Variants in RAC1 observed in about 807,000 individuals in gnomAD.
RAC1 encodes the protein ras-related C3 botulinum toxin substrate 1.
RAC1 carries 2 observed loss-of-function variants against 25.2 expected under a neutral mutation model. That is an observed-to-expected ratio of 0.08 (90% CI 0.03 to 0.25). The LOEUF (loss-of-function observed/expected upper bound fraction) is 0.25, where lower values mean the gene tolerates loss of function less well. Ranked by LOEUF, RAC1 falls within the 10% of genes least tolerant of loss-of-function variation. The pLI, the probability that RAC1 is intolerant of heterozygous loss-of-function variation, is 1.00. For missense variants in RAC1, 50 were observed against 235.7 expected (o/e 0.21, Z 5.16); for synonymous variants, 88 against 94.0 (o/e 0.94, Z 0.37).
chr7:6,391,835 C>G, intron 2 of RAC1, 89 bp from the exon 3 acceptor site: 7 of 1,595,260 alleles, frequency 4.4e-6, no homozygotes, highest in Non-Finnish European at 6.0e-6. Flanking sequence ...CCGTCCCCAG[C>G]CTTTTTCTTG....
At chr7:6,375,964 G>A (rs1782580616) in intron 1 of RAC1, 1 of 152,070 alleles carries the variant, frequency 6.6e-6, no homozygotes, top group Admixed American at 6.6e-5. Context: ...CAAACTCAAT[G>A]CAACTGGTAC....
At position 6,390,096 on chromosome 7, in the gene RAC1, C is replaced by CCTTTTTTTTTTT. The variant is rs1554263519; in HGVS notation, c.108-1828_108-1827insCTTTTTTTTTTT. ...CCTCCCTTGCTCCCTCCCTCCCTCC[C>CCTTTTTTTTTTT]TTTTTTTTTTTTTTTTTTTTTGAGA... is the stretch of plus-strand genomic sequence containing the variant. On this transcript the variant is annotated intron_variant, in intron 2 of 5. Coordinates refer to ENST00000348035, the MANE Select transcript of RAC1 (RefSeq NM_006908.5). 2.0e-4 allele frequency among the ~76,000 whole-genome samples: 15 copies of CCTTTTTTTTTTT among 74,914 alleles called. No individual in the cohort carries two copies. In the East Asian group the frequency reaches 8.5e-3, roughly 42 times the overall value. 49.1% of individuals were successfully genotyped at this position (74,914 alleles called of 152,430 possible). A position where few individuals can be genotyped will look rare whatever the true frequency, so the allele number is the denominator to read the frequency against.
chr7:6,390,019 C>T (rs1175308865), intron 2 of RAC1, among the ~76,000 whole-genome samples: 6 of 115,248 alleles, frequency 5.2e-5, no homozygotes, highest in Admixed American at 9.1e-5. Flanking sequence ...TCCTTCCCTC[C>T]TCTCCTACTC....
chr7:6,390,070 C>T (rs1189648299), intron 2 of RAC1, among the ~76,000 whole-genome samples: 5 of 138,608 alleles, frequency 3.6e-5, no homozygotes, highest in South Asian at 4.9e-4. Flanking sequence ...CTTTTCCCCT[C>T]CCTCCCTTGC....
At chr7:6,387,444 TA>T (rs1782955120) in intron 2 of RAC1, among the ~76,000 whole-genome samples, 161 bp downstream of exon 2, 1 of 152,126 alleles carries the variant, frequency 6.6e-6, no homozygotes, top group Non-Finnish European at 1.5e-5. Context: ...ATTAGGCTTT[TA>T]AAAAATAGGG....
intron 3 of RAC1, among the ~76,000 whole-genome samples, chr7:6,395,157 G>T (rs28421827): frequency 1.3e-5 from 2 of 151,980 alleles, no homozygotes; most frequent in Non-Finnish European, 2.9e-5. Flanking sequence ...TAGAGACGGG[G>T]GTTTCTCCAC....
At position 6,403,238 on chromosome 7, in the gene RAC1, A is replaced by G. The variant is rs976163614; in HGVS notation, c.*792A>G. 4.1e-5 allele frequency: 9 copies of G among 219,320 alleles called. No individual in the cohort carries two copies. The highest frequency in any genetic ancestry group is 6.4e-5 in the Non-Finnish European group (7 of 109,118). 13.6% of individuals were successfully genotyped at this position (219,320 alleles called of 1,614,324 possible). A position where few individuals can be genotyped will look rare whatever the true frequency, so the allele number is the denominator to read the frequency against. The stretch of plus-strand genomic sequence containing the variant: ...TGAAAGTGTCACGGGTAAAAACTCT[A>G]AAAGGTTAATTTCTGTCAAATGCAG... On this transcript the variant is annotated 3_prime_UTR_variant, in exon 6 of 6. Coordinates refer to ENST00000348035, the MANE Select transcript of RAC1 (RefSeq NM_006908.5).
chr7:6,397,805 T>C (rs542565149), intron 3 of RAC1, among the ~76,000 whole-genome samples: 3 of 152,202 alleles, frequency 2.0e-5, no homozygotes, highest in Non-Finnish European at 2.9e-5. Context: ...CTGGCCAACA[T>C]GGTGAAACCT....
At chr7:6,384,330 G>A (rs933288648) in intron 1 of RAC1, among the ~76,000 whole-genome samples, 12 of 152,142 alleles carry the variant, frequency 7.9e-5, no homozygotes, top group South Asian at 2.1e-4. Context: ...AGTCCCTGGC[G>A]TCCTCAGGCT....
chr7:6,377,467 G>T (rs1376810056), intron 1 of RAC1, among the ~76,000 whole-genome samples: 6 of 152,070 alleles, frequency 3.9e-5, no homozygotes, highest in African/African-American at 1.2e-4. Context: ...AGACACATGT[G>T]CCTGTAGTCC....
intron 1 of RAC1, among the ~76,000 whole-genome samples, chr7:6,383,625 C>T (rs1403067612): frequency 6.6e-6 from 1 of 151,868 alleles, no homozygotes; most frequent in Non-Finnish European, 1.5e-5. Context: ...AGCTGGTTGC[C>T]TTTATATTAG....
In RAC1 at chr7:6,379,113, T is replaced by C. The variant is rs1782690350; in HGVS notation, c.35+4343T>C. 2.0e-5 allele frequency among the ~76,000 whole-genome samples: 3 copies of C among 151,846 alleles called. No homozygotes were observed. The South Asian group carries it at 6.2e-4, about 32-fold the overall frequency. On this transcript the variant is annotated intron_variant, in intron 1 of 5. Transcript: ENST00000348035. ...CTCAAAAAGGAAAAAAAAGACAGCATCTTACATTCAGGTATTTATAAACAA... is the reference window on the plus strand; with the variant it reads ...CTCAAAAAGGAAAAAAAAGACAGCACCTTACATTCAGGTATTTATAAACAA...
At chr7:6,390,269 G>A (rs919428835) in intron 2 of RAC1, among the ~76,000 whole-genome samples, 1 of 151,344 alleles carries the variant, frequency 6.6e-6, no homozygotes, top group African/African-American at 2.4e-5. Context: ...CTTCATTATG[G>A]TGTCTTCTGC....
At position 6,387,203 on chromosome 7, in the gene RAC1, T is replaced by A. The variant is rs780736307; in HGVS notation, c.36-9T>A. 5 of 1,545,402 alleles carry A rather than the reference T, an allele frequency of 3.2e-6. No homozygotes were observed. The highest frequency in any genetic ancestry group is 3.5e-6 in the Non-Finnish European group (4 of 1,143,550). On this transcript the variant is annotated splice_polypyrimidine_tract_variant and intron_variant, in intron 1 of 5. Coordinates refer to ENST00000348035, the MANE Select transcript of RAC1 (RefSeq NM_006908.5). ...TTGACTAAGCAACCTTTTTTCTCTT[T>A]CTCTTTAGAGCTGTAGGTAAAACTT... is the stretch of plus-strand genomic sequence containing the variant.
chr7:6,402,582 TTAA>T lies in RAC1; in HGVS notation c.*138_*140del. ...CTCAATGCCAACTTTTTGTTACAGA[TTAA>T]TTTTTCCATAAAACCATTTTTTGAA... On this transcript the variant is annotated 3_prime_UTR_variant, in exon 6 of 6. Transcript: ENST00000348035. 1 of 873,602 alleles carries T rather than the reference TTAA, an allele frequency of 1.1e-6. No individual in the cohort carries two copies. The highest frequency in any genetic ancestry group is 3.3e-5 in the East Asian group (1 of 30,306). The allele number at this position is 873,602 out of a possible 1,614,324, so 54.1% of individuals were successfully genotyped here. A position where few individuals can be genotyped will look rare whatever the true frequency, so the allele number is the denominator to read the frequency against.
At chr7:6,384,285 G>C (rs1448075063) in intron 1 of RAC1, among the ~76,000 whole-genome samples, 1 of 152,110 alleles carries the variant, frequency 6.6e-6, no homozygotes, top group Non-Finnish European at 1.5e-5. Context: ...CTCCTGGACT[G>C]TAGCAACAGC....
chr7:6,380,419 C>A (rs940675415), intron 1 of RAC1, among the ~76,000 whole-genome samples: 1 of 151,844 alleles, frequency 6.6e-6, no homozygotes, highest in Admixed American at 6.6e-5. Flanking sequence ...ATGATAGTTA[C>A]AGTAAAAGTT....
At chr7:6,393,038 A>C (rs1783131611) in intron 3 of RAC1, among the ~76,000 whole-genome samples, 1 of 151,998 alleles carries the variant, frequency 6.6e-6, no homozygotes, top group Non-Finnish European at 1.5e-5. Flanking sequence ...TGCCCAAATG[A>C]GTGGAAGTTG....
intron 1 of RAC1, among the ~76,000 whole-genome samples, chr7:6,376,740 C>A (rs1782614868): frequency 1.5e-5 from 2 of 132,954 alleles, no homozygotes; most frequent in South Asian, 4.8e-4. Flanking sequence ...AGGCTGGTCT[C>A]AAACTCCTGA....
Sources: allele counts gnomAD v4.1 joint callset (sites outside exome capture counted in the v4.1 genomes callset), GRCh38; gene constraint gnomAD v4.1.1; transcripts MANE v1.5; gene names NCBI Gene and HGNC (gene_info 2026-07-23, HGNC 2026-07-21).